The following SLCO1B1 variants were observed in gnomAD, a reference collection of about 807,000 sequenced individuals.
The protein encoded by SLCO1B1 is solute carrier organic anion transporter family member 1B1.
In SLCO1B1, 81 loss-of-function variants were observed where a neutral mutation model predicts 70.1. That is an observed-to-expected ratio of 1.16 (90% confidence interval 0.97 to 1.39). SLCO1B1 has a LOEUF of 1.39. SLCO1B1 is among the 40% of genes most tolerant of loss of function. SLCO1B1 has a pLI of 0.00. For synonymous variants in SLCO1B1, 283 were observed against 271.5 expected (o/e 1.04, Z -0.42); for missense variants, 895 against 799.6 (o/e 1.12, Z -1.44).
chr12:21,204,355 A>C (rs774134105), intron 10 of SLCO1B1, among the ~76,000 whole-genome samples: 7 of 151,990 alleles, frequency 4.6e-5, no homozygotes, highest in Non-Finnish European at 1.0e-4. Context: ...CTGACTGCTA[A>C]AATATGTGTG....
chr12:21,189,991 G>T (rs1193816673), intron 7 of SLCO1B1, among the ~76,000 whole-genome samples: 18 of 152,012 alleles, frequency 1.2e-4, no homozygotes, highest in African/African-American at 4.3e-4. Flanking sequence ...TGTATGCTTT[G>T]ACCAGTATCT....
intron 14 of SLCO1B1, among the ~76,000 whole-genome samples, chr12:21,227,751 T>C (rs1941496052): frequency 6.6e-6 from 1 of 152,112 alleles, no homozygotes; most frequent in Non-Finnish European, 1.5e-5. Flanking sequence ...ACTTCAAGTA[T>C]TAATGTAACA....
At chr12:21,224,397 C>A (rs1941461976) in intron 13 of SLCO1B1, among the ~76,000 whole-genome samples, 1 of 152,016 alleles carries the variant, frequency 6.6e-6, no homozygotes, top group Non-Finnish European at 1.5e-5. Context: ...CCATATTAAC[C>A]AACATAACTT....
intron 7 of SLCO1B1, among the ~76,000 whole-genome samples, chr12:21,192,335 CT>C (rs149432266): frequency 0.01 from 1,580 of 151,758 alleles, 37 homozygotes; most frequent in South Asian, 0.038. Flanking sequence ...TGTTTTATGT[CT>C]CCAGGAATTT....
chr12:21,176,963 T>C, intron 5 of SLCO1B1, 66 bp downstream of exon 5: 3 of 1,262,562 alleles, frequency 2.4e-6, no homozygotes, highest in South Asian at 2.4e-5. Context: ...TCTCTAAAAA[T>C]TGTTGTGATA....
chr12:21,211,654 A>ACCT (rs1173060295), intron 11 of SLCO1B1, among the ~76,000 whole-genome samples: 3 of 151,906 alleles, frequency 2.0e-5, no homozygotes, highest in Non-Finnish European at 4.4e-5. Context: ...TCCTCCTTGT[A>ACCT]CCTCTGGTAG....
intron 8 of SLCO1B1, among the ~76,000 whole-genome samples, chr12:21,198,778 G>C (rs1023350103): frequency 6.6e-6 from 1 of 152,054 alleles, no homozygotes; most frequent in South Asian, 2.1e-4. Context: ...GGAGGAAATT[G>C]CTTCCTAAGG....
intron 2 of SLCO1B1, among the ~76,000 whole-genome samples, chr12:21,172,150 A>T (rs1940762110): frequency 6.6e-6 from 1 of 152,182 alleles, no homozygotes; most frequent in Non-Finnish European, 1.5e-5. Flanking sequence ...CAAATAAAAC[A>T]TCTATAACCA....
intron 7 of SLCO1B1, among the ~76,000 whole-genome samples, chr12:21,192,702 T>A (rs1469517990): frequency 6.6e-6 from 1 of 152,038 alleles, no homozygotes; most frequent in Non-Finnish European, 1.5e-5. Context: ...ATTCTTTACT[T>A]TTTACTAGCA....
At chr12:21,175,277 A>G (rs4149037) in intron 4 of SLCO1B1, among the ~76,000 whole-genome samples, 13,962 of 152,168 alleles carry the variant, frequency 0.092, 986 homozygotes, top group East Asian at 0.25. Context: ...AAATTGTGGC[A>G]ACGTATTTCC....
intron 2 of SLCO1B1, among the ~76,000 whole-genome samples, chr12:21,160,576 G>A (rs1192592220): frequency 3.3e-5 from 5 of 151,830 alleles, no homozygotes; most frequent in Non-Finnish European, 7.4e-5. Context: ...AGACAACCTA[G>A]GCAATATCAT....
chr12:21,165,959 G>T (rs754374990), intron 2 of SLCO1B1, among the ~76,000 whole-genome samples: 1 of 151,634 alleles, frequency 6.6e-6, no homozygotes, highest in African/African-American at 2.4e-5. Flanking sequence ...CACAGAATCC[G>T]CAAACTTGAA....
chr12:21,209,627 T>C (rs1366889228), intron 11 of SLCO1B1, among the ~76,000 whole-genome samples: 5 of 152,084 alleles, frequency 3.3e-5, no homozygotes, highest in Admixed American at 6.6e-5. Flanking sequence ...CTCTGAGGAA[T>C]CGCCACACTG....
intron 13 of SLCO1B1, among the ~76,000 whole-genome samples, chr12:21,222,989 G>A (rs559959632): frequency 9.9e-5 from 15 of 152,180 alleles, no homozygotes; most frequent in Middle Eastern, 3.4e-3. Context: ...TCTTCCCTCC[G>A]TTCCGTTTTG....
chr12:21,219,300 T>G (rs941487399), intron 12 of SLCO1B1, among the ~76,000 whole-genome samples: 1 of 151,992 alleles, frequency 6.6e-6, no homozygotes, highest in African/African-American at 2.4e-5. Flanking sequence ...AGATAGAAAA[T>G]AAAGGTACAA....
At chr12:21,231,248 A>G (rs1941534160) in intron 14 of SLCO1B1, among the ~76,000 whole-genome samples, 1 of 152,018 alleles carries the variant, frequency 6.6e-6, no homozygotes, top group African/African-American at 2.4e-5. Context: ...GTTGGTTCCA[A>G]GTCTTTGCTA....
At chr12:21,227,349 T>A (rs1941492415) in intron 14 of SLCO1B1, among the ~76,000 whole-genome samples, 1 of 152,092 alleles carries the variant, frequency 6.6e-6, no homozygotes, top group Non-Finnish European at 1.5e-5. Context: ...CCATGAAGAA[T>A]GTGTATGGAG....
rs1354859094 is a variant in SLCO1B1, at chr12:21,214,361, A to C, written c.1498-2758A>C. Among the ~76,000 whole-genome samples the C allele has an allele frequency of 8.0e-5, 12 of 150,360 alleles. No individual in the cohort carries two copies. The East Asian group carries it at 2.3e-3, about 29-fold the overall frequency. ...GTGCCCCTGCTGGGGCGTGCCTCCC[A>C]GTTAGGCTGCTCAGGGGTCAGGGGT... On this transcript the variant is annotated intron_variant, in intron 11 of 14. Transcript: ENST00000256958.
intron 2 of SLCO1B1, among the ~76,000 whole-genome samples, chr12:21,170,083 G>A (rs532016343): frequency 6.6e-6 from 1 of 152,114 alleles, no homozygotes; most frequent in African/African-American, 2.4e-5. Flanking sequence ...GCTCCACCTC[G>A]TGTCTCTGTC....
Sources: allele counts gnomAD v4.1 joint callset (sites outside exome capture counted in the v4.1 genomes callset), GRCh38; gene constraint gnomAD v4.1.1; transcripts MANE v1.5; gene names NCBI Gene and HGNC (gene_info 2026-07-23, HGNC 2026-07-21).